The following ELL variants were observed in gnomAD, a reference collection of about 807,000 sequenced individuals.
The protein encoded by ELL is elongation factor for RNA polymerase II, also known as RNA polymerase II elongation factor ELL.
Under a neutral mutation model 64.0 loss-of-function variants are expected in ELL, and 18 were observed. The ratio of observed to expected loss-of-function variants is 0.28; its 90% CI spans 0.19 to 0.42. The LOEUF is 0.42. ELL is among the 10% of genes least tolerant of loss of function. The pLI is 1.00. For synonymous variants in ELL, 399 were observed against 376.2 expected, an observed-to-expected ratio of 1.06 and a Z score of -0.70; for missense variants, 797 against 870.4, an observed-to-expected ratio of 0.92 and a Z score of 1.06.
At chr19:18,503,471 C>T (rs1180448240) in intron 1 of ELL, among the ~76,000 whole-genome samples, 2 of 152,182 alleles carry the variant, frequency 1.3e-5, no homozygotes, top group Admixed American at 1.3e-4. Flanking sequence ...AGGATGTGGG[C>T]TCTTGGAGGT....
At chr19:18,507,316 A>T (rs1404353381) in intron 1 of ELL, among the ~76,000 whole-genome samples, 2 of 152,250 alleles carry the variant, frequency 1.3e-5, no homozygotes, top group Non-Finnish European at 2.9e-5. Context: ...ATCCCCAGAT[A>T]AGAAGAGTGA....
chr19:18,494,152 A>C (rs1209715372), intron 1 of ELL, among the ~76,000 whole-genome samples: 2 of 152,084 alleles, frequency 1.3e-5, no homozygotes, highest in East Asian at 3.9e-4. Context: ...GTTTGAGCCC[A>C]GGAGTTCAAG....
chr19:18,509,578 C>A lies in ELL; in HGVS notation c.135+12343G>T, dbSNP rs571477772. The stretch of plus-strand genomic sequence containing the variant: ...ACACAGATGGAGACACAGGCCAATG[C>A]ACGTGCGCGCGCGCGCACATACACA... On this transcript the variant is annotated intron_variant, in intron 1 of 11. Transcript: ENST00000262809. Among the ~76,000 whole-genome samples the A allele has an allele frequency of 4.9e-5, 7 of 142,892 alleles. No individual in the cohort carries two copies. The South Asian group carries it at 1.6e-3, about 32-fold the overall frequency. The allele number at this position is 142,892 out of a possible 152,430, so 93.7% of individuals were successfully genotyped here. A position where few individuals can be genotyped will look rare whatever the true frequency, so the allele number is the denominator to read the frequency against.
chr19:18,444,561 A>G lies in ELL; in HGVS notation c.*191T>C. On this transcript the variant is annotated 3_prime_UTR_variant, in exon 12 of 12. Transcript: ENST00000262809. ...AGCCCATCATAAGCAGGGACTGCTC[A>G]GGAAGCGCAGGGAGGGCCGAGGTGG... The G allele has an allele frequency of 3.5e-6, 2 of 569,562 alleles. No homozygotes were observed. 35.3% of individuals were successfully genotyped at this position (569,562 alleles called of 1,614,324 possible).
At chr19:18,447,650 G>A (rs1251216182) in intron 8 of ELL, among the ~76,000 whole-genome samples, 1 of 152,260 alleles carries the variant, frequency 6.6e-6, no homozygotes, top group Non-Finnish European at 1.5e-5. Context: ...ATCAGGGAGG[G>A]GAGGGGCAGG....
intron 1 of ELL, among the ~76,000 whole-genome samples, chr19:18,485,526 G>T (rs958283111): frequency 5.3e-5 from 8 of 152,096 alleles, no homozygotes; most frequent in Admixed American, 5.2e-4. Flanking sequence ...CTCCTCCCAG[G>T]GCCAGGGAGA....
chr19:18,454,997 C>T (rs1405910121), intron 6 of ELL, among the ~76,000 whole-genome samples: 6 of 148,846 alleles, frequency 4.0e-5, no homozygotes, highest in African/African-American at 1.2e-4. Context: ...AAAAATTAGC[C>T]GGGCATGGTG....
chr19:18,462,216 G>GTA (rs1568381150), intron 4 of ELL, among the ~76,000 whole-genome samples: 1 of 120,242 alleles, frequency 8.3e-6, no homozygotes. Context: ...GTGTGTGTGT[G>GTA]TGTGTATGTA....
chr19:18,448,191 C>T (rs1279622087), intron 8 of ELL: 1 of 151,912 alleles, frequency 6.6e-6, no homozygotes, highest in African/African-American at 2.4e-5. Context: ...TTGACTTGGC[C>T]TCTCAACATG....
At chr19:18,481,441 C>T (rs113664750) in intron 1 of ELL, among the ~76,000 whole-genome samples, 1 of 152,156 alleles carries the variant, frequency 6.6e-6, no homozygotes, top group African/African-American at 2.4e-5. Flanking sequence ...CTGCATCACC[C>T]TAATCTCTGC....
At chr19:18,446,647 A>G in intron 9 of ELL, 101 bp downstream of exon 9, 6 of 1,520,284 alleles carry the variant, frequency 3.9e-6, no homozygotes, top group Non-Finnish European at 5.4e-6. Context: ...ACATACTCAG[A>G]CTTGCAGTGG....
chr19:18,498,708 G>C (rs1975716088), intron 1 of ELL, among the ~76,000 whole-genome samples: 1 of 152,140 alleles, frequency 6.6e-6, no homozygotes, highest in Admixed American at 6.5e-5. Flanking sequence ...TGTGGCACTT[G>C]GGAAGCCAAG....
In ELL at chr19:18,444,555, C is replaced by G; in HGVS notation, c.*197G>C. ...CTGGGGAGCCCATCATAAGCAGGGA[C>G]TGCTCAGGAAGCGCAGGGAGGGCCG... On this transcript the variant is annotated 3_prime_UTR_variant, in exon 12 of 12. Coordinates refer to ENST00000262809, the MANE Select transcript of ELL (RefSeq NM_006532.4). 1.8e-6 allele frequency: 1 copy of G among 547,528 alleles called. No individual in the cohort carries two copies. The highest frequency in any genetic ancestry group is 3.2e-6 in the Non-Finnish European group (1 of 312,560). 33.9% of individuals were successfully genotyped at this position (547,528 alleles called of 1,614,324 possible). A position where few individuals can be genotyped will look rare whatever the true frequency, so the allele number is the denominator to read the frequency against.
intron 4 of ELL, among the ~76,000 whole-genome samples, chr19:18,464,985 C>G (rs1012287602): frequency 2.4e-4 from 37 of 152,338 alleles, no homozygotes; most frequent in African/African-American, 7.5e-4. Context: ...GCTGGCTGGT[C>G]AGGTGAGGGT....
Position 18,461,745 on chromosome 19 carries a change from C to A in ELL, c.577G>T (p.Ala193Ser). Reference protein sequence around the residue: ...NLASAIRKSGASAVSGGSGVS... With the variant: ...NLASAIRKSGSSAVSGGSGVS... ...CCGCTGCCCCCACTCACGGCACTGGCACCACTCTTCCTGATGGCACTCGCC... is the reference window on the plus strand; with the variant it reads ...CCGCTGCCCCCACTCACGGCACTGGAACCACTCTTCCTGATGGCACTCGCC... Residue 193 changes from alanine to serine, a missense_variant, in exon 5 of 12, where the codon GCC (alanine) becomes TCC (serine). Transcript: ENST00000262809. The A allele has an allele frequency of 6.2e-7, 1 of 1,613,998 alleles. No homozygotes were observed. Among genetic ancestry groups the A allele is most frequent in the Non-Finnish European group, 8.5e-7 (1 of 1,180,026 alleles).
At chr19:18,464,034 T>C (rs1974888183) in intron 4 of ELL, among the ~76,000 whole-genome samples, 1 of 151,082 alleles carries the variant, frequency 6.6e-6, no homozygotes, top group South Asian at 2.1e-4. Flanking sequence ...TAAGATACAT[T>C]TCTGATCAAG....
chr19:18,496,501 A>G (rs1296521037), intron 1 of ELL, among the ~76,000 whole-genome samples: 2 of 151,742 alleles, frequency 1.3e-5, no homozygotes, highest in African/African-American at 4.9e-5. Context: ...GAGAATAAAT[A>G]AAACCAGGTC....
intron 1 of ELL, among the ~76,000 whole-genome samples, chr19:18,486,744 C>T (rs1568390481): frequency 6.6e-6 from 1 of 152,196 alleles, no homozygotes; most frequent in Non-Finnish European, 1.5e-5. Flanking sequence ...AGGCAAAGAT[C>T]ACAGAAAAAT....
chr19:18,487,845 C>T (rs1975451874), intron 1 of ELL, among the ~76,000 whole-genome samples: 1 of 152,228 alleles, frequency 6.6e-6, no homozygotes, highest in Non-Finnish European at 1.5e-5. Flanking sequence ...CTTCCCGGTA[C>T]AATCTGTACT....
Sources: allele counts gnomAD v4.1 joint callset (sites outside exome capture counted in the v4.1 genomes callset), GRCh38; gene constraint gnomAD v4.1.1; transcripts MANE v1.5; gene names NCBI Gene and HGNC (gene_info 2026-07-23, HGNC 2026-07-21).